The following RAPGEF3 variants were observed in gnomAD, a reference collection of about 807,000 sequenced individuals.
The protein encoded by RAPGEF3 is 9330170P05Rik.
RAPGEF3 carries 103 observed loss-of-function variants against 129.8 expected under a neutral mutation model. That is an observed-to-expected ratio of 0.79 (90% confidence interval 0.68 to 0.93). RAPGEF3 has a LOEUF of 0.93. Among genes scored for constraint, RAPGEF3 ranks in the 40% least tolerant of loss-of-function variants. The probability of loss-of-function intolerance (pLI) is 0.00; values close to 1 mark genes in which losing one functional copy is unlikely to be tolerated. For missense variants in RAPGEF3, 1,117 were observed against 1,207.4 expected (o/e 0.93, Z 1.11); for synonymous variants, 436 against 482.6 (o/e 0.90, Z 1.26).
intron 27 of RAPGEF3, 71 bp from the exon 28 acceptor site, chr12:47,737,756 C>T: frequency 2.1e-6 from 3 of 1,403,146 alleles, no homozygotes; most frequent in Non-Finnish European, 3.0e-6. Flanking sequence ...CTCCAAGGAG[C>T]CATATCACAT....
intron 6 of RAPGEF3, 102 bp from the exon 7 acceptor site, chr12:47,750,527 T>G: frequency 9.7e-7 from 1 of 1,034,186 alleles, no homozygotes; most frequent in Non-Finnish European, 1.4e-6. Context: ...AGACGGTGCC[T>G]CAGCAGTGAC....
At position 47,737,448 on chromosome 12, in the gene RAPGEF3, T is replaced by G. The variant is rs550053235; in HGVS notation, c.*119A>C. 4 of 825,616 alleles carry G rather than the reference T, an allele frequency of 4.8e-6. No individual in the cohort carries two copies. In the South Asian group the frequency reaches 5.0e-5, roughly 10 times the overall value. 51.1% of individuals were successfully genotyped at this position (825,616 alleles called of 1,614,324 possible). A position where few individuals can be genotyped will look rare whatever the true frequency, so the allele number is the denominator to read the frequency against. ...CCTCCACACTGCCTGCTCCAGGGAC[T>G]CGAGTCCACTCCACGGAGAGCCTTG... is the stretch of plus-strand genomic sequence containing the variant. On this transcript the variant is annotated 3_prime_UTR_variant, in exon 28 of 28. Transcript: ENST00000449771.
rs1375131776 is a variant in RAPGEF3 at position 47,737,106 on chromosome 12, A to C, written c.*461T>G. On this transcript the variant is annotated 3_prime_UTR_variant, in exon 28 of 28. Coordinates refer to ENST00000449771, the MANE Select transcript of RAPGEF3 (RefSeq NM_001098531.4). ...CTGTTGGAAGAAAGCTGTGGAAAGA[A>C]AGCAGGGGGCCCCTGCCCCAGGCCA... 1 of 172,660 alleles carries C rather than the reference A, an allele frequency of 5.8e-6. No individual in the cohort carries two copies. The highest frequency in any genetic ancestry group is 1.2e-5 in the Non-Finnish European group (1 of 82,450). The allele number at this position is 172,660 out of a possible 1,614,324, so 10.7% of individuals were successfully genotyped here.
chr12:47,751,976 G>A lies in RAPGEF3; in HGVS notation c.220-7C>T, dbSNP rs1249686904. 6.2e-7 allele frequency: 1 copy of A among 1,614,158 alleles called. No homozygotes were observed. ...CGCTGTTGGTGAGTGGTGTCTGGGG[G>A]CAGCAGGGAAAGCGTGCACATCAGT... On this transcript the variant is annotated splice_polypyrimidine_tract_variant and splice_region_variant and intron_variant, in intron 2 of 27. Coordinates refer to ENST00000449771, the MANE Select transcript of RAPGEF3 (RefSeq NM_001098531.4).
At position 47,747,693 on chromosome 12, in the gene RAPGEF3, G is replaced by A. The variant is rs1168536982; in HGVS notation, c.1473+19C>T. The A allele has an allele frequency of 3.1e-6, 5 of 1,611,422 alleles. No individual in the cohort carries two copies. The highest frequency in any genetic ancestry group is 4.2e-6 in the Non-Finnish European group (5 of 1,178,692). On this transcript the variant is annotated intron_variant, in intron 14 of 27. Transcript: ENST00000449771. The stretch of plus-strand genomic sequence containing the variant: ...CCACCCCGGGCAGCCCAGCCCCGCT[G>A]TGCCTCACTCCCAGGTACCTGGAGG...
At chr12:47,740,105 C>A in intron 23 of RAPGEF3, 36 bp downstream of exon 23, 1 of 1,602,746 alleles carries the variant, frequency 6.2e-7, no homozygotes, top group Non-Finnish European at 8.5e-7. Context: ...CCAGCTGATC[C>A]TAGCAGAGCC....
chr12:47,758,484 C>A, intron 1 of RAPGEF3, 67 bp downstream of exon 1: 2 of 1,594,216 alleles, frequency 1.3e-6, no homozygotes, highest in Admixed American at 1.7e-5. Context: ...ACCCAAACTC[C>A]CCACCGTGTC....
intron 2 of RAPGEF3, among the ~76,000 whole-genome samples, chr12:47,757,174 T>G (rs1362758559): frequency 6.6e-6 from 1 of 152,084 alleles, no homozygotes; most frequent in African/African-American, 2.4e-5. Context: ...AGCTACTCTA[T>G]TTAGTCTGGA....
chr12:47,740,929 TGAA>T lies in RAPGEF3; in HGVS notation c.2032_2034del (p.Phe678del), dbSNP rs1442252695. The T allele has an allele frequency of 8.1e-6, 13 of 1,613,908 alleles. No homozygotes were observed. The highest frequency in any genetic ancestry group is 1.1e-5 in the Non-Finnish European group (13 of 1,180,000). On this transcript the variant is annotated inframe_deletion, in exon 20 of 28. Coordinates refer to ENST00000449771, the MANE Select transcript of RAPGEF3 (RefSeq NM_001098531.4). The stretch of plus-strand genomic sequence containing the variant: ...GCCTCCCATACCTGGTGGATACTGT[TGAA>T]GAGGCTCCAGTCGTGGTCCGTCAGC...
At chr12:47,738,324 A>C (rs1940924916) in intron 25 of RAPGEF3, 77 bp from the exon 26 acceptor site, 1 of 1,562,878 alleles carries the variant, frequency 6.4e-7, no homozygotes, top group Admixed American at 1.8e-5. Flanking sequence ...CAGGGAGGCC[A>C]AGCTCCCTCT....
At chr12:47,757,150 TG>T (rs1347113446) in intron 2 of RAPGEF3, among the ~76,000 whole-genome samples, 1 of 152,088 alleles carries the variant, frequency 6.6e-6, no homozygotes, top group African/African-American at 2.4e-5. Context: ...GAGACATAAC[TG>T]AATCTCAAGC....
intron 17 of RAPGEF3, 120 bp downstream of exon 17, chr12:47,743,867 G>C: frequency 7.4e-7 from 1 of 1,354,556 alleles, no homozygotes; most frequent in Non-Finnish European, 1.0e-6. Flanking sequence ...ACCCTGAGGA[G>C]TACAGCGTGC....
rs1361298234 is a variant in RAPGEF3 at position 47,748,473 on chromosome 12, G to A, written c.1224C>T (p.Ser408=). 1 of 1,613,744 alleles carries A rather than the reference G, an allele frequency of 6.2e-7. No individual in the cohort carries two copies. ...ELLLEAMGPD[S]SAHDPTETFL... is the part of the protein sequence containing the mutation. The stretch of plus-strand genomic sequence containing the variant: ...CCTTACCTGTTGGGTCATGAGCACT[G>A]GAATCTGGTCCCATGGCCTCCAACA... Residue 408 remains serine (S), a synonymous_variant, in exon 12 of 28, where the codon TCC becomes TCT. Transcript: ENST00000449771.
intron 7 of RAPGEF3, 68 bp from the exon 8 acceptor site, chr12:47,750,058 G>A: frequency 6.3e-7 from 1 of 1,582,442 alleles, no homozygotes; most frequent in South Asian, 1.1e-5. Flanking sequence ...CTTTTGCTAG[G>A]GGTGTGGTTA....
At chr12:47,740,518 C>T (rs1941082025) in intron 21 of RAPGEF3, 123 bp from the exon 22 acceptor site, 4 of 1,475,438 alleles carry the variant, frequency 2.7e-6, no homozygotes, top group East Asian at 4.6e-5. Context: ...AAGGCAGAGG[C>T]TCCAGGGGAC....
At chr12:47,743,938 C>A in intron 17 of RAPGEF3, 49 bp downstream of exon 17, 1 of 1,524,278 alleles carries the variant, frequency 6.6e-7, no homozygotes, top group Non-Finnish European at 9.1e-7. Flanking sequence ...GAGGCAGAGA[C>A]AGCAGGGTGC....
intron 18 of RAPGEF3, 122 bp downstream of exon 18, chr12:47,743,408 C>T (rs1401288267): frequency 4.6e-6 from 6 of 1,291,574 alleles, no homozygotes; most frequent in Non-Finnish European, 6.4e-6. Context: ...TTAATGCTAG[C>T]CATCATTCAC....
chr12:47,751,481 C>G lies in RAPGEF3; in HGVS notation c.420G>C (p.Leu140Phe), dbSNP rs1941741633. The G allele has an allele frequency of 6.2e-7, 1 of 1,614,098 alleles. No individual in the cohort carries two copies. The highest frequency in any genetic ancestry group is 1.3e-5 in the African/African-American group (1 of 74,936). Residue 140 changes from leucine (L) to phenylalanine (F), a missense_variant, in exon 5 of 28, where the codon TTG (leucine) becomes TTC (phenylalanine). By Grantham distance (22) the Leu-to-Phe change is conservative (BLOSUM62 0). Around this residue, in one of 3 missense-constraint regions of RAPGEF3, gnomAD observed 367 missense variants for 373.4 expected, o/e 0.98. Coordinates refer to ENST00000449771, the MANE Select transcript of RAPGEF3 (RefSeq NM_001098531.4). ...GGGAATGGACCCCAAGTCCCAGGGC[C>G]AAGATCCCATCCACCAGCTCCCGGC... ...CSGRELVDGI[L>F]ALGLGVHSRS...
chr12:47,742,771 C>T (rs12298639), intron 18 of RAPGEF3, among the ~76,000 whole-genome samples: 6,580 of 152,232 alleles, frequency 0.043, 466 homozygotes, highest in African/African-American at 0.15. Flanking sequence ...AGCAACTTGC[C>T]CAGCATCACA....
Sources: allele counts gnomAD v4.1 joint callset (sites outside exome capture counted in the v4.1 genomes callset), GRCh38; gene constraint gnomAD v4.1.1; regional missense constraint gnomAD v4.1.1; transcripts MANE v1.5; gene names NCBI Gene and HGNC (gene_info 2026-07-23, HGNC 2026-07-21).